Variants in OTUD7A observed in about 807,000 individuals in gnomAD.
The protein encoded by OTUD7A is OTU deubiquitinase 7A.
Under a neutral mutation model 65.7 loss-of-function variants are expected in OTUD7A, and 12 were observed. The observed-to-expected ratio is 0.18, with a 90% CI of 0.12 to 0.30. The LOEUF is 0.30. Among genes scored for constraint, OTUD7A ranks in the 10% least tolerant of loss-of-function variants. OTUD7A has a pLI of 1.00. For missense variants in OTUD7A, 1,148 were observed against 1,304.8 expected, an observed-to-expected ratio of 0.88 and a Z score of 1.85; for synonymous variants, 641 against 586.3, an observed-to-expected ratio of 1.09 and a Z score of -1.35.
intron 3 of OTUD7A, among the ~76,000 whole-genome samples, chr15:31,634,490 C>A (rs1410540093): frequency 1.3e-5 from 2 of 152,216 alleles, no homozygotes; most frequent in East Asian, 3.9e-4. Context: ...AGCACGTGCT[C>A]TGTGTTCTGC....
intron 3 of OTUD7A, among the ~76,000 whole-genome samples, chr15:31,640,448 GT>G (rs1349283534): frequency 1.3e-5 from 2 of 151,956 alleles, no homozygotes; most frequent in African/African-American, 2.4e-5. Context: ...TTTCTCCTGT[GT>G]TTTTTTCTAG....
chr15:31,562,248 C>T (rs1888715121), intron 4 of OTUD7A, among the ~76,000 whole-genome samples: 1 of 152,222 alleles, frequency 6.6e-6, no homozygotes, highest in Non-Finnish European at 1.5e-5. Flanking sequence ...CCCCGCAGCA[C>T]ACCTCTCCTA....
At chr15:31,851,897 C>T (rs1897436347) in intron 1 of OTUD7A, among the ~76,000 whole-genome samples, 2 of 152,176 alleles carry the variant, frequency 1.3e-5, no homozygotes, top group South Asian at 4.1e-4. Context: ...GTCGCTCTGT[C>T]GCCCAGACTG....
At chr15:31,528,478 T>A (rs1488670891) in intron 6 of OTUD7A, among the ~76,000 whole-genome samples, 1 of 151,504 alleles carries the variant, frequency 6.6e-6, no homozygotes. Context: ...GAACTGATGT[T>A]TTCAAAGGCT....
intron 1 of OTUD7A, among the ~76,000 whole-genome samples, chr15:31,719,158 C>T (rs564327300): frequency 1.3e-5 from 2 of 152,290 alleles, no homozygotes; most frequent in Admixed American, 1.3e-4. Context: ...AATCATAATT[C>T]ACTGCAGCCT....
chr15:31,851,944 C>T (rs142195950), intron 1 of OTUD7A, among the ~76,000 whole-genome samples: 1,855 of 152,270 alleles, frequency 0.012, 32 homozygotes, highest in African/African-American at 0.042. Context: ...CTGCAACCTC[C>T]GCCTCCTAGG....
At chr15:31,540,176 T>C (rs1466743909) in intron 5 of OTUD7A, among the ~76,000 whole-genome samples, 1 of 152,224 alleles carries the variant, frequency 6.6e-6, no homozygotes, top group South Asian at 2.1e-4. Context: ...GTGACTTCTC[T>C]GAAGTGTCTT....
chr15:31,710,672 T>G (rs1293988018), intron 1 of OTUD7A, among the ~76,000 whole-genome samples: 3 of 152,232 alleles, frequency 2.0e-5, no homozygotes, highest in African/African-American at 4.8e-5. Context: ...CCACTTGGCC[T>G]ACACTGCTGT....
At chr15:31,539,224 G>C (rs1432389423) in intron 5 of OTUD7A, among the ~76,000 whole-genome samples, 1 of 151,996 alleles carries the variant, frequency 6.6e-6, no homozygotes, top group African/African-American at 2.4e-5. Context: ...CCTTTCCCTT[G>C]AGCTTTCTCT....
intron 3 of OTUD7A, among the ~76,000 whole-genome samples, chr15:31,641,177 G>T (rs1891505156): frequency 6.6e-6 from 1 of 151,938 alleles, no homozygotes; most frequent in Non-Finnish European, 1.5e-5. Context: ...TTTTATAAGT[G>T]TCTGGCCTCT....
rs560238845 is a variant in OTUD7A, at chr15:31,774,694, C to T, written c.-100+95813G>A. 2.0e-5 allele frequency among the ~76,000 whole-genome samples: 3 copies of T among 152,324 alleles called. No homozygotes were observed. In the East Asian group the frequency reaches 5.8e-4, roughly 29 times the overall value. ...TGCCACATCCAGAGATTTTTCTGCA[C>T]ACTTTTTATCAAGGCTTCAAACATG... On this transcript the variant is annotated intron_variant, in intron 1 of 12. Coordinates refer to ENST00000307050, the MANE Select transcript of OTUD7A (RefSeq NM_001382637.1).
intron 1 of OTUD7A, among the ~76,000 whole-genome samples, chr15:31,677,452 A>G (rs1399357570): frequency 2.6e-5 from 4 of 152,114 alleles, no homozygotes; most frequent in African/African-American, 7.2e-5. Context: ...GTCATCCTGA[A>G]TTGTAATCCC....
intron 3 of OTUD7A, among the ~76,000 whole-genome samples, chr15:31,588,707 C>G (rs909254744): frequency 4.6e-5 from 7 of 152,194 alleles, no homozygotes; most frequent in African/African-American, 1.7e-4. Flanking sequence ...TGGTTCCGCT[C>G]CACACACTCA....
At chr15:31,857,985 G>A (rs375888860) in intron 1 of OTUD7A, among the ~76,000 whole-genome samples, 3 of 152,176 alleles carry the variant, frequency 2.0e-5, no homozygotes, top group South Asian at 2.1e-4. Flanking sequence ...AGTACTTTAC[G>A]AAGAACGCAT....
chr15:31,595,895 T>A (rs1241518752), intron 3 of OTUD7A, among the ~76,000 whole-genome samples: 1 of 152,112 alleles, frequency 6.6e-6, no homozygotes, highest in African/African-American at 2.4e-5. Context: ...CCTTGGCTTG[T>A]GGCCCCTTTC....
At chr15:31,693,794 G>A (rs1371560816) in intron 1 of OTUD7A, among the ~76,000 whole-genome samples, 4 of 152,026 alleles carry the variant, frequency 2.6e-5, no homozygotes, top group African/African-American at 4.8e-5. Context: ...CCCATCAGCC[G>A]GGCTTCCCCA....
At chr15:31,746,992 T>C (rs1894498002) in intron 1 of OTUD7A, among the ~76,000 whole-genome samples, 1 of 152,196 alleles carries the variant, frequency 6.6e-6, no homozygotes, top group Non-Finnish European at 1.5e-5. Context: ...ACACTTAAAG[T>C]GTGCTTTTTA....
rs1566877158 is a variant in OTUD7A, at chr15:31,483,673, T to C, written c.2423A>G (p.Asn808Ser). 22 of 1,167,362 alleles carry C rather than the reference T, an allele frequency of 1.9e-5. No homozygotes were observed. The highest frequency in any genetic ancestry group is 2.3e-5 in the Non-Finnish European group (22 of 948,742). The allele number at this position is 1,167,362 out of a possible 1,614,324, so 72.3% of individuals were successfully genotyped here. Residue 808 changes from asparagine (N) to serine (S), a missense_variant, in exon 13 of 13, where the codon AAC becomes AGC. By Grantham distance (46) the Asn-to-Ser change is conservative (BLOSUM62 1). Coordinates refer to ENST00000307050, the MANE Select transcript of OTUD7A (RefSeq NM_001382637.1). The stretch of plus-strand genomic sequence containing the variant: ...GTAGCTCTGCGACGACAGCGAGCGG[T>C]TCTGCTGCGGGTACGTGGCGCACGG... ...LRPCATYPQQNRSLSSQSYSP... is the reference protein window; with the variant it reads ...LRPCATYPQQSRSLSSQSYSP...
chr15:31,599,339 C>G (rs576834407), intron 3 of OTUD7A, among the ~76,000 whole-genome samples: 1 of 152,180 alleles, frequency 6.6e-6, no homozygotes, highest in South Asian at 2.1e-4. Context: ...TATTCTGCAG[C>G]CTCTGCTGGT....
Sources: gnomAD v4.1 joint callset for allele counts (sites outside exome capture counted in the v4.1 genomes callset) on GRCh38, gnomAD v4.1.1 for gene constraint, MANE v1.5 for transcripts, NCBI Gene and HGNC (gene_info 2026-07-23, HGNC 2026-07-21) for gene names.